The following PKN2 variants were observed in gnomAD, a reference collection of about 807,000 sequenced individuals.
PKN2 encodes the protein serine/threonine-protein kinase N2.
A neutral mutation model predicts 119.1 loss-of-function variants in PKN2; 38 were observed. That is an observed-to-expected ratio of 0.32 (90% CI 0.25 to 0.42). PKN2 has a LOEUF of 0.42. Among genes scored for constraint, PKN2 ranks in the 10% least tolerant of loss-of-function variants. PKN2 has a pLI of 1.00. For missense variants in PKN2, 850 were observed against 1,165.1 expected (o/e 0.73, Z 3.94); for synonymous variants, 390 against 384.9 (o/e 1.01, Z -0.15).
In PKN2 at chr1:88,835,126, T is replaced by C. The variant is rs899045201; in HGVS notation, c.*1678T>C. On this transcript the variant is annotated 3_prime_UTR_variant, in exon 22 of 22. Coordinates refer to ENST00000370521, the MANE Select transcript of PKN2 (RefSeq NM_006256.4). ...TCTTTTCATTGTACTCTGAGAACAA[T>C]TAAAATTGTCCAGAGATCATTTATA... 2.6e-5 allele frequency: 4 copies of C among 152,184 alleles called. No individual in the cohort carries two copies. Among genetic ancestry groups the C allele is most frequent in the African/African-American group, 7.2e-5 (3 of 41,430 alleles). 9.4% of individuals were successfully genotyped at this position (152,184 alleles called of 1,614,324 possible).
intron 20 of PKN2, 68 bp from the exon 21 acceptor site, chr1:88,833,009 A>C: frequency 7.1e-7 from 1 of 1,416,468 alleles, no homozygotes; most frequent in Middle Eastern, 1.9e-4. Flanking sequence ...TTTTTAAAGT[A>C]ATAATCCTTA....
chr1:88,768,623 T>A (rs1038398937), intron 3 of PKN2, among the ~76,000 whole-genome samples: 1 of 152,248 alleles, frequency 6.6e-6, no homozygotes, highest in African/African-American at 2.4e-5. Context: ...CCTTGCCATG[T>A]AACGTAACTT....
At chr1:88,782,215 T>G (rs1670373787) in intron 6 of PKN2, among the ~76,000 whole-genome samples, 1 of 152,130 alleles carries the variant, frequency 6.6e-6, no homozygotes, top group Admixed American at 6.6e-5. Flanking sequence ...ACGTAACATG[T>G]TTTTTTCTGG....
intron 19 of PKN2, among the ~76,000 whole-genome samples, chr1:88,829,749 T>C (rs1384362740): frequency 6.6e-6 from 1 of 152,208 alleles, no homozygotes; most frequent in Non-Finnish European, 1.5e-5. Flanking sequence ...ATTGGTTCAT[T>C]ATTCTGCAGT....
intron 3 of PKN2, 128 bp downstream of exon 3, chr1:88,760,504 C>A: frequency 1.9e-6 from 1 of 536,140 alleles, no homozygotes. Flanking sequence ...GGCACTTTGG[C>A]AGTCATTTGT....
In PKN2 at chr1:88,833,112, T is replaced by C; in HGVS notation, c.2706T>C (p.Ala902=). 6.2e-7 allele frequency: 1 copy of C among 1,613,046 alleles called. No individual in the cohort carries two copies. The highest frequency in any genetic ancestry group is 8.5e-7 in the Non-Finnish European group (1 of 1,179,390). ...GAAATCCTGAACGGCGCCTTGGGGCTAGCGAGAAAGATGCAGAGGATGTAA... is the reference window on the plus strand; with the variant it reads ...GAAATCCTGAACGGCGCCTTGGGGCCAGCGAGAAAGATGCAGAGGATGTAA... ...LRRNPERRLG[A]SEKDAEDVKK... The change falls in exon 21 of 22, where the codon GCT becomes GCC. Residue 902 remains alanine, a synonymous_variant. Coordinates refer to ENST00000370521, the MANE Select transcript of PKN2 (RefSeq NM_006256.4).
intron 3 of PKN2, among the ~76,000 whole-genome samples, chr1:88,767,925 G>A (rs1446697627): frequency 1.3e-5 from 2 of 152,118 alleles, no homozygotes; most frequent in African/African-American, 4.8e-5. Context: ...CCGTCATCAA[G>A]CGTGTCTCTT....
intron 1 of PKN2, among the ~76,000 whole-genome samples, chr1:88,739,387 A>G (rs1464335592): frequency 3.9e-5 from 6 of 152,200 alleles, no homozygotes; most frequent in Non-Finnish European, 8.8e-5. Flanking sequence ...GTAAATTGAT[A>G]TGAAAACCAA....
chr1:88,769,718 A>C lies in PKN2; in HGVS notation c.505-634A>C, dbSNP rs555615665. On this transcript the variant is annotated intron_variant, in intron 3 of 21. Coordinates refer to ENST00000370521, the MANE Select transcript of PKN2 (RefSeq NM_006256.4). ...GTGAAATAAGCCAGACACAGGAAGA[A>C]AAATACTGTATGATCTCACTTACCT... Among the ~76,000 whole-genome samples, 5 of 152,318 alleles carry C rather than the reference A, an allele frequency of 3.3e-5. No homozygotes were observed. In the South Asian group the frequency reaches 1.0e-3, roughly 32 times the overall value.
chr1:88,711,535 T>C (rs1266331357), intron 1 of PKN2, among the ~76,000 whole-genome samples: 1 of 152,196 alleles, frequency 6.6e-6, no homozygotes, highest in East Asian at 1.9e-4. Context: ...TGATTAAATG[T>C]GAAATAAGAT....
intron 16 of PKN2, among the ~76,000 whole-genome samples, chr1:88,819,243 A>G (rs1672144175): frequency 6.6e-6 from 1 of 152,084 alleles, no homozygotes; most frequent in African/African-American, 2.4e-5. Flanking sequence ...CAGGCAACCT[A>G]CAGAATGGGA....
At position 88,836,081 on chromosome 1, in the gene PKN2, G is replaced by T. The variant is rs1015354673; in HGVS notation, c.*2633G>T. On this transcript the variant is annotated 3_prime_UTR_variant, in exon 22 of 22. Coordinates refer to ENST00000370521, the MANE Select transcript of PKN2 (RefSeq NM_006256.4). ...ACTGCTTACTGTGTATAGATACTGA[G>T]AATAGGAAGTTTTTTTTTTTAAAGC... 20 of 152,032 alleles carry T rather than the reference G, an allele frequency of 1.3e-4. No homozygotes were observed. The highest frequency in any genetic ancestry group is 4.8e-4 in the African/African-American group (20 of 41,416). 9.4% of individuals were successfully genotyped at this position (152,032 alleles called of 1,614,324 possible).
chr1:88,749,453 A>G (rs569853851), intron 2 of PKN2, among the ~76,000 whole-genome samples: 82 of 152,116 alleles, frequency 5.4e-4, no homozygotes, highest in Non-Finnish European at 9.3e-4. Context: ...AACCCTGCCT[A>G]TTTCTGTAAC....
intron 20 of PKN2, 94 bp from the exon 21 acceptor site, chr1:88,832,983 C>G: frequency 7.5e-7 from 1 of 1,326,292 alleles, no homozygotes; most frequent in Non-Finnish European, 1.0e-6. Context: ...CAAAAAAAGA[C>G]AAAATATATC....
chr1:88,819,654 C>T (rs1390687315), intron 16 of PKN2, among the ~76,000 whole-genome samples: 1 of 152,106 alleles, frequency 6.6e-6, no homozygotes, highest in Non-Finnish European at 1.5e-5. Context: ...CCCAGCCATC[C>T]CATTACTGGG....
intron 9 of PKN2, 142 bp downstream of exon 9, chr1:88,804,676 G>A (rs900975063): frequency 1.2e-6 from 1 of 846,864 alleles, no homozygotes; most frequent in Admixed American, 2.6e-5. Flanking sequence ...GAATAGGTAT[G>A]TGACTTTGAG....
At chr1:88,765,994 G>A (rs1054581400) in intron 3 of PKN2, among the ~76,000 whole-genome samples, 4 of 152,084 alleles carry the variant, frequency 2.6e-5, no homozygotes, top group Non-Finnish European at 4.4e-5. Flanking sequence ...TGTATTTTTG[G>A]TAGAGGCAGG....
chr1:88,813,528 T>G, intron 15 of PKN2, 29 bp from the exon 16 acceptor site: 1 of 1,429,966 alleles, frequency 7.0e-7, no homozygotes, highest in East Asian at 2.4e-5. Flanking sequence ...ATTTTTAATC[T>G]GCTTATTTTA....
intron 1 of PKN2, among the ~76,000 whole-genome samples, chr1:88,712,426 G>C (rs548725097): frequency 7.1e-4 from 108 of 152,138 alleles, no homozygotes; most frequent in African/African-American, 2.6e-3. Flanking sequence ...TTAGGCCACT[G>C]GTACCCCTTC....
Sources: allele counts gnomAD v4.1 joint callset (sites outside exome capture counted in the v4.1 genomes callset), GRCh38; gene constraint gnomAD v4.1.1; transcripts MANE v1.5; gene names NCBI Gene and HGNC (gene_info 2026-07-23, HGNC 2026-07-21).